The following MDGA2 variants were observed in gnomAD, a reference collection of about 807,000 sequenced individuals.
MDGA2 encodes the protein MAM domain containing glycosylphosphatidylinositol anchor 2, also known as MAM domain-containing glycosylphosphatidylinositol anchor protein 2.
In MDGA2, 40 loss-of-function variants were observed where a neutral mutation model predicts 117.8. The ratio of observed to expected loss-of-function variants is 0.34; its 90% CI spans 0.26 to 0.44. MDGA2 has a LOEUF of 0.44. Ranked by LOEUF, MDGA2 falls within the 20% of genes least tolerant of loss-of-function variation. MDGA2 has a pLI of 1.00. For synonymous variants in MDGA2, 452 were observed against 439.0 expected, an observed-to-expected ratio of 1.03 and a Z score of -0.37; for missense variants, 1,123 against 1,250.6, an observed-to-expected ratio of 0.90 and a Z score of 1.54.
chr14:47,561,153 G>GTTTTTTTTTTTTTTTTT (rs778265539), intron 1 of MDGA2, among the ~76,000 whole-genome samples: 1 of 63,908 alleles, frequency 1.6e-5, no homozygotes. Context: ...TTTTTTTTTT[G>GTTTTTTTTTTTTTTTTT]TTTTGTTTTG....
chr14:47,377,318 T>C (rs1312857642), intron 1 of MDGA2, among the ~76,000 whole-genome samples: 2 of 152,074 alleles, frequency 1.3e-5, no homozygotes, highest in Non-Finnish European at 2.9e-5. Context: ...AGACGGGTGA[T>C]TTCTGCATTG....
chr14:47,428,552 C>T (rs1892735621), intron 1 of MDGA2, among the ~76,000 whole-genome samples: 1 of 152,038 alleles, frequency 6.6e-6, no homozygotes, highest in Non-Finnish European at 1.5e-5. Flanking sequence ...AACTTTCAAT[C>T]ATCTGAGTTC....
chr14:47,632,599 T>A (rs556413296), intron 1 of MDGA2, among the ~76,000 whole-genome samples: 1 of 152,348 alleles, frequency 6.6e-6, no homozygotes, highest in African/African-American at 2.4e-5. Context: ...TAAAAGATCC[T>A]TCATGAACTG....
chr14:47,116,760 C>T (rs1488966805), intron 5 of MDGA2, among the ~76,000 whole-genome samples: 1 of 151,966 alleles, frequency 6.6e-6, no homozygotes, highest in Non-Finnish European at 1.5e-5. Flanking sequence ...AAAAACAACT[C>T]AAAGTGGACT....
At chr14:47,372,449 A>T (rs1289153977) in intron 1 of MDGA2, among the ~76,000 whole-genome samples, 2 of 151,942 alleles carry the variant, frequency 1.3e-5, no homozygotes, top group African/African-American at 4.8e-5. Flanking sequence ...GAGGAAATTT[A>T]AATTGCTAAT....
chr14:47,542,161 T>A (rs1178938213), intron 1 of MDGA2, among the ~76,000 whole-genome samples: 1 of 152,290 alleles, frequency 6.6e-6, no homozygotes, highest in East Asian at 1.9e-4. Context: ...TTGTTACGAA[T>A]TATCCCTCAT....
chr14:46,948,887 C>T (rs950066254), intron 9 of MDGA2, among the ~76,000 whole-genome samples: 3 of 151,990 alleles, frequency 2.0e-5, no homozygotes, highest in Admixed American at 6.6e-5. Flanking sequence ...CTCAATTGTG[C>T]ATTGATTACT....
At chr14:47,412,656 TA>T (rs1294803269) in intron 1 of MDGA2, among the ~76,000 whole-genome samples, 1 of 152,212 alleles carries the variant, frequency 6.6e-6, no homozygotes, top group African/African-American at 2.4e-5. Flanking sequence ...TGTGACAAAA[TA>T]AATTATTTTG....
chr14:47,092,524 T>A (rs564541893), intron 6 of MDGA2, among the ~76,000 whole-genome samples: 6 of 152,260 alleles, frequency 3.9e-5, no homozygotes, highest in Admixed American at 2.6e-4. Flanking sequence ...GAGAAAACTG[T>A]GAGATGCAAC....
At chr14:47,560,086 T>C (rs560844354) in intron 1 of MDGA2, among the ~76,000 whole-genome samples, 4 of 151,856 alleles carry the variant, frequency 2.6e-5, no homozygotes, top group African/African-American at 9.7e-5. Context: ...TTTTTTTTTT[T>C]AGACGGAGTC....
At chr14:47,096,752 A>G in intron 6 of MDGA2, 102 bp downstream of exon 6, 1 of 1,127,176 alleles carries the variant, frequency 8.9e-7, no homozygotes, top group Non-Finnish European at 1.3e-6. Flanking sequence ...TATTTTACAG[A>G]TACATGCAAT....
intron 8 of MDGA2, among the ~76,000 whole-genome samples, chr14:47,022,647 T>C (rs1348433262): frequency 6.6e-6 from 1 of 152,114 alleles, no homozygotes; most frequent in African/African-American, 2.4e-5. Context: ...TACACATGGC[T>C]GGAGACTTCA....
At chr14:47,465,797 A>T (rs1441638292) in intron 1 of MDGA2, among the ~76,000 whole-genome samples, 1 of 152,214 alleles carries the variant, frequency 6.6e-6, no homozygotes, top group Non-Finnish European at 1.5e-5. Context: ...TAAAAGCAGC[A>T]TTATCATTTG....
At chr14:47,318,496 G>A (rs1456297381) in intron 1 of MDGA2, among the ~76,000 whole-genome samples, 1 of 151,994 alleles carries the variant, frequency 6.6e-6, no homozygotes, top group Non-Finnish European at 1.5e-5. Context: ...ATTCATTTAT[G>A]GGTACTCAGA....
intron 3 of MDGA2, among the ~76,000 whole-genome samples, chr14:47,170,860 A>T (rs1371327728): frequency 1.3e-5 from 2 of 152,202 alleles, no homozygotes; most frequent in Non-Finnish European, 2.9e-5. Context: ...GCTAACCTAA[A>T]GAAGAATATT....
chr14:47,534,609 C>T (rs1895168977), intron 1 of MDGA2, among the ~76,000 whole-genome samples: 1 of 152,080 alleles, frequency 6.6e-6, no homozygotes, highest in Admixed American at 6.6e-5. Context: ...GAAGAAACCA[C>T]CCTCATGCTC....
rs368745435 is a variant in MDGA2, at chr14:47,603,615, G to GTC, written c.280+70900_280+70901dup. Among the ~76,000 whole-genome samples the GTC allele has an allele frequency of 2.4e-4, 36 of 150,040 alleles. 1 individual carries two copies. The highest frequency in any genetic ancestry group is 1.0e-3 in the South Asian group (5 of 4,766). On this transcript the variant is annotated intron_variant, in intron 1 of 16. Transcript: ENST00000399232. ...CCAGTTCCCCCACTTATCCCTCATA[G>GTC]TCTCTCTCTCTCTCTCTCTGTTTCT...
intron 7 of MDGA2, among the ~76,000 whole-genome samples, chr14:47,037,131 T>C (rs906822050): frequency 6.6e-6 from 1 of 152,220 alleles, no homozygotes; most frequent in African/African-American, 2.4e-5. Context: ...CTAAGCAGCA[T>C]GCTCAGACAA....
intron 7 of MDGA2, among the ~76,000 whole-genome samples, chr14:47,044,887 G>A (rs565691151): frequency 6.6e-6 from 1 of 152,252 alleles, no homozygotes; most frequent in Admixed American, 6.5e-5. Flanking sequence ...GAACGGCATT[G>A]TTCATTACTT....
Sources: gnomAD v4.1 joint callset for allele counts (sites outside exome capture counted in the v4.1 genomes callset) on GRCh38, gnomAD v4.1.1 for gene constraint, MANE v1.5 for transcripts, NCBI Gene and HGNC (gene_info 2026-07-23, HGNC 2026-07-21) for gene names.